NRXN3: variants seen among roughly 807,000 people sequenced by gnomAD.
The protein encoded by NRXN3 is neurexin 3.
A neutral mutation model predicts 137.6 loss-of-function variants in NRXN3; 32 were observed. The observed-to-expected ratio is 0.23, with a 90% confidence interval of 0.18 to 0.31. The LOEUF (loss-of-function observed/expected upper bound fraction) is 0.31. NRXN3 is among the 10% of genes least tolerant of loss of function. The pLI is 1.00. For missense variants in NRXN3, 1,574 were observed against 2,062.5 expected (o/e 0.76, Z 4.59); for synonymous variants, 798 against 784.5 (o/e 1.02, Z -0.29).
At chr14:78,734,866 G>T (rs1048966530) in intron 8 of NRXN3, among the ~76,000 whole-genome samples, 1 of 152,062 alleles carries the variant, frequency 6.6e-6, no homozygotes, top group African/African-American at 2.4e-5. Flanking sequence ...GACAGGGCTT[G>T]GTCATGTCAT....
intron 15 of NRXN3, among the ~76,000 whole-genome samples, chr14:79,155,867 A>T (rs1396921314): frequency 3.3e-5 from 5 of 151,858 alleles, no homozygotes; most frequent in Non-Finnish European, 5.9e-5. Context: ...ACTTCAAATC[A>T]TTTAATGTAT....
intron 6 of NRXN3, among the ~76,000 whole-genome samples, chr14:78,706,797 T>C (rs751202755): frequency 6.6e-6 from 1 of 152,222 alleles, no homozygotes; most frequent in Non-Finnish European, 1.5e-5. Context: ...GTGAGTCATT[T>C]TCAATGCTTC....
chr14:79,540,959 A>G (rs974681768), intron 16 of NRXN3, among the ~76,000 whole-genome samples: 1 of 152,146 alleles, frequency 6.6e-6, no homozygotes, highest in Admixed American at 6.6e-5. Flanking sequence ...TCAAGGTGTC[A>G]GCAAGGCTGG....
chr14:78,443,700 C>T (rs1400207165), intron 4 of NRXN3, among the ~76,000 whole-genome samples: 5 of 152,164 alleles, frequency 3.3e-5, no homozygotes, highest in Admixed American at 1.3e-4. Flanking sequence ...TGACAATCCA[C>T]ACTGTAAAAT....
intron 16 of NRXN3, among the ~76,000 whole-genome samples, chr14:79,517,492 T>G (rs1381179440): frequency 6.6e-6 from 1 of 152,174 alleles, no homozygotes; most frequent in Admixed American, 6.5e-5. Flanking sequence ...GACTTTTCTT[T>G]TATGGCATCC....
chr14:79,719,359 ATT>A (rs1491318935), intron 19 of NRXN3, among the ~76,000 whole-genome samples: 21 of 111,878 alleles, frequency 1.9e-4, no homozygotes, highest in Middle Eastern at 4.9e-3. Flanking sequence ...ATATATGTGT[ATT>A]GTGTGTATGT....
intron 16 of NRXN3, among the ~76,000 whole-genome samples, chr14:79,555,018 A>G (rs1433264573): frequency 6.6e-6 from 1 of 152,182 alleles, no homozygotes; most frequent in African/African-American, 2.4e-5. Flanking sequence ...CGGGGTGTCA[A>G]GAGTGAAACA....
At chr14:79,715,943 C>T (rs966040188) in intron 19 of NRXN3, among the ~76,000 whole-genome samples, 2 of 152,198 alleles carry the variant, frequency 1.3e-5, no homozygotes, top group East Asian at 3.9e-4. Flanking sequence ...TGGCTTTGGA[C>T]TACGCATTGA....
intron 4 of NRXN3, among the ~76,000 whole-genome samples, chr14:78,424,887 G>A (rs1348910076): frequency 6.6e-6 from 1 of 152,172 alleles, no homozygotes; most frequent in Non-Finnish European, 1.5e-5. Context: ...ATAGTGAAGT[G>A]GAATCTAGAT....
chr14:78,706,445 T>G (rs2098350904), intron 6 of NRXN3, among the ~76,000 whole-genome samples: 1 of 152,214 alleles, frequency 6.6e-6, no homozygotes, highest in Non-Finnish European at 1.5e-5. Context: ...TGCATGACTT[T>G]CCATGTAATG....
intron 15 of NRXN3, among the ~76,000 whole-genome samples, chr14:79,135,426 T>G (rs2058114335): frequency 6.6e-6 from 1 of 152,176 alleles, no homozygotes; most frequent in African/African-American, 2.4e-5. Context: ...CACATAGATA[T>G]GAAGAAAGAT....
intron 10 of NRXN3, among the ~76,000 whole-genome samples, chr14:78,945,634 T>A (rs554077865): frequency 1.3e-5 from 2 of 152,308 alleles, no homozygotes; most frequent in South Asian, 4.1e-4. Flanking sequence ...TCTTTCTGTG[T>A]CAGTTTTCTC....
At chr14:79,019,974 A>C (rs1310665056) in intron 15 of NRXN3, among the ~76,000 whole-genome samples, 1 of 151,960 alleles carries the variant, frequency 6.6e-6, no homozygotes, top group Non-Finnish European at 1.5e-5. Flanking sequence ...AATTTAGGAG[A>C]GAGATAATAA....
intron 4 of NRXN3, among the ~76,000 whole-genome samples, chr14:78,308,989 A>G (rs2077654106): frequency 6.6e-6 from 1 of 152,120 alleles, no homozygotes; most frequent in Non-Finnish European, 1.5e-5. Context: ...CCAGTATTTT[A>G]CCTATAATGG....
At chr14:79,559,634 G>A (rs2097468588) in intron 16 of NRXN3, among the ~76,000 whole-genome samples, 1 of 152,092 alleles carries the variant, frequency 6.6e-6, no homozygotes, top group South Asian at 2.1e-4. Context: ...ACAGAGATGT[G>A]AAGTGAGCCC....
intron 16 of NRXN3, among the ~76,000 whole-genome samples, chr14:79,470,997 T>C (rs963895358): frequency 4.4e-5 from 4 of 89,990 alleles, no homozygotes; most frequent in African/African-American, 1.4e-4. Flanking sequence ...TGTGTGTGTG[T>C]TGGGGAGAAG....
intron 1 of NRXN3, among the ~76,000 whole-genome samples, chr14:78,204,110 A>G (rs553537411): frequency 2.6e-5 from 4 of 152,310 alleles, no homozygotes; most frequent in South Asian, 2.1e-4. Flanking sequence ...TACATTTTCT[A>G]TATTTAAAAA....
intron 4 of NRXN3, among the ~76,000 whole-genome samples, chr14:78,523,816 C>CAAAAAAAAAAA (rs56083130): frequency 0.019 from 1,179 of 61,516 alleles, 87 homozygotes; most frequent in Non-Finnish European, 0.025. Context: ...GACTCTGTCT[C>CAAAAAAAAAAA]AAAAAAAAAA....
intron 16 of NRXN3, among the ~76,000 whole-genome samples, chr14:79,596,901 C>T (rs775399599): frequency 6.6e-6 from 1 of 152,078 alleles, no homozygotes; most frequent in Non-Finnish European, 1.5e-5. Context: ...TAGCCATGCT[C>T]CCGCTGTGTC....
Sources: allele counts gnomAD v4.1 joint callset (sites outside exome capture counted in the v4.1 genomes callset), GRCh38; gene constraint gnomAD v4.1.1; transcripts MANE v1.5; gene names NCBI Gene and HGNC (gene_info 2026-07-23, HGNC 2026-07-21).